The following SLC22A23 variants were observed in gnomAD, a reference collection of about 807,000 sequenced individuals.
The protein encoded by SLC22A23 is solute carrier family 22 member 23.
In SLC22A23, 26 loss-of-function variants were observed where a neutral mutation model predicts 61.0. The ratio of observed to expected loss-of-function variants is 0.43; its 90% confidence interval spans 0.31 to 0.59. The LOEUF is 0.59. Ranked by LOEUF, SLC22A23 falls within the 20% of genes least tolerant of loss-of-function variation. The pLI, the probability that SLC22A23 is intolerant of heterozygous loss-of-function variation, is 0.11. For synonymous variants in SLC22A23, 430 were observed against 413.9 expected, an observed-to-expected ratio of 1.04 and a Z score of -0.47; for missense variants, 796 against 934.7, an observed-to-expected ratio of 0.85 and a Z score of 1.94.
intron 5 of SLC22A23, 41 bp downstream of exon 5, chr6:3,298,050 G>A (rs369577385): frequency 2.4e-4 from 351 of 1,462,750 alleles, no homozygotes; most frequent in Admixed American, 5.0e-4. Flanking sequence ...GACCTGCCCC[G>A]TGGAGCCTCT....
At chr6:3,437,321 C>G (rs1180793122) in intron 1 of SLC22A23, among the ~76,000 whole-genome samples, 3 of 152,136 alleles carry the variant, frequency 2.0e-5, no homozygotes, top group African/African-American at 7.2e-5. Flanking sequence ...ACAATATCCA[C>G]TTTTGACAAG....
chr6:3,424,268 C>T (rs1770333625), intron 1 of SLC22A23, among the ~76,000 whole-genome samples: 1 of 152,182 alleles, frequency 6.6e-6, no homozygotes, highest in Admixed American at 6.5e-5. Flanking sequence ...CTTCTGTGCC[C>T]CACTCCCACA....
chr6:3,368,620 G>A (rs998120586), intron 3 of SLC22A23, among the ~76,000 whole-genome samples: 1 of 152,144 alleles, frequency 6.6e-6, no homozygotes, highest in African/African-American at 2.4e-5. Flanking sequence ...AATTTAATTT[G>A]TAAGATTTCA....
At chr6:3,313,453 T>A (rs1254583492) in intron 4 of SLC22A23, 1 of 152,224 alleles carries the variant, frequency 6.6e-6, no homozygotes, top group East Asian at 1.9e-4. Flanking sequence ...GGAGACTGCA[T>A]GGTTTTCATG....
At chr6:3,399,931 T>G (rs1312323073) in intron 3 of SLC22A23, among the ~76,000 whole-genome samples, 1 of 152,162 alleles carries the variant, frequency 6.6e-6, no homozygotes, top group Non-Finnish European at 1.5e-5. Context: ...CAGGCTGGAG[T>G]GCAATGGCAC....
In SLC22A23 at chr6:3,414,721, C is replaced by CA. The variant is rs60880355; in HGVS notation, c.758+1030dup. Among the ~76,000 whole-genome samples the CA allele has an allele frequency of 0.64, 57,607 of 89,334 alleles. 18,330 individuals are homozygous for CA. Among genetic ancestry groups the CA allele is most frequent in the South Asian group, 0.75 (1,548 of 2,056 alleles). 58.6% of individuals were successfully genotyped at this position (89,334 alleles called of 152,430 possible). A position where few individuals can be genotyped will look rare whatever the true frequency, so the allele number is the denominator to read the frequency against. Reference sequence around the variant, plus strand: ...TCAAGGCCAAGATGTCTCGATTCACCAAAAAAAAAAAAAAAAAAAAAAATC... The same window carrying CA: ...TCAAGGCCAAGATGTCTCGATTCACCAAAAAAAAAAAAAAAAAAAAAAAATC... On this transcript the variant is annotated intron_variant, in intron 2 of 9. Transcript: ENST00000406686. This position sits in a 1 kb window ranked among gnomAD's most constrained non-coding sequence, Gnocchi z 5.1.
chr6:3,405,324 G>A (rs11242856), intron 3 of SLC22A23, among the ~76,000 whole-genome samples: 31,460 of 152,086 alleles, frequency 0.21, 3,324 homozygotes, highest in Middle Eastern at 0.25. Context: ...TTTCCTTGGT[G>A]GAAATAGCCT....
chr6:3,331,636 AAACT>A (rs1385242072), intron 3 of SLC22A23, among the ~76,000 whole-genome samples: 1 of 152,188 alleles, frequency 6.6e-6, no homozygotes, highest in African/African-American at 2.4e-5. Flanking sequence ...TTTTTCTTTA[AAACT>A]AACATTATAA....
At chr6:3,280,919 G>A (rs9501977) in intron 9 of SLC22A23, among the ~76,000 whole-genome samples, 3,985 of 152,172 alleles carry the variant, frequency 0.026, 132 homozygotes, top group African/African-American at 0.071. Flanking sequence ...TCAGGGAGTC[G>A]TCAGTCAGGG....
At chr6:3,439,428 C>T (rs1771445212) in intron 1 of SLC22A23, 1 of 380,208 alleles carries the variant, frequency 2.6e-6, no homozygotes. Context: ...TGGGCCCGTT[C>T]CACGTGAAGA....
At chr6:3,295,872 CTT>C (rs539074071) in intron 5 of SLC22A23, among the ~76,000 whole-genome samples, 35 of 152,308 alleles carry the variant, frequency 2.3e-4, no homozygotes, top group Non-Finnish European at 3.8e-4. Flanking sequence ...CCTCTATCCT[CTT>C]TGTTAAGTCA....
chr6:3,311,995 C>G (rs926087256), intron 4 of SLC22A23: 1 of 152,224 alleles, frequency 6.6e-6, no homozygotes, highest in Non-Finnish European at 1.5e-5. Flanking sequence ...TCAGGGCTAA[C>G]GCTCACTGTT....
intron 5 of SLC22A23, chr6:3,291,661 T>C (rs1381736201): frequency 1.3e-5 from 2 of 152,242 alleles, no homozygotes; most frequent in Non-Finnish European, 2.9e-5. Flanking sequence ...AGTTTCTCCA[T>C]GGTTAAAATA....
At chr6:3,287,160 G>A (rs1220362126) in intron 6 of SLC22A23, 69 bp from the exon 7 acceptor site, 33 of 1,445,642 alleles carry the variant, frequency 2.3e-5, no homozygotes, top group Non-Finnish European at 3.2e-5. Flanking sequence ...CCTCCTGGGA[G>A]TTCGTGCTGT....
chr6:3,320,207 C>T (rs1476350836), intron 4 of SLC22A23, among the ~76,000 whole-genome samples: 4 of 152,164 alleles, frequency 2.6e-5, no homozygotes, highest in Admixed American at 2.0e-4. Flanking sequence ...CTGGGAACTT[C>T]CCCTTCTTTC....
chr6:3,284,928 T>C (rs1020284601), intron 8 of SLC22A23, 151 bp downstream of exon 8: 2 of 1,543,042 alleles, frequency 1.3e-6, no homozygotes, highest in Non-Finnish European at 1.7e-6. Context: ...ATCCGTATAG[T>C]GTCCAACCTA....
chr6:3,292,921 CAGAG>C (rs773178467), intron 5 of SLC22A23, among the ~76,000 whole-genome samples: 5 of 152,214 alleles, frequency 3.3e-5, no homozygotes, highest in Admixed American at 1.3e-4. Flanking sequence ...TCTTCACCAA[CAGAG>C]GGAGGGAAAG....
intron 3 of SLC22A23, among the ~76,000 whole-genome samples, chr6:3,407,391 A>G (rs1768912805): frequency 6.6e-6 from 1 of 152,206 alleles, no homozygotes; most frequent in South Asian, 2.1e-4. Flanking sequence ...TCTTGTCACC[A>G]GCCTCTGCCT....
chr6:3,350,470 CT>C (rs1226990480), intron 3 of SLC22A23, among the ~76,000 whole-genome samples: 1 of 152,222 alleles, frequency 6.6e-6, no homozygotes, highest in African/African-American at 2.4e-5. Context: ...ACAAATGCGG[CT>C]TTTGTGGAAT....
Sources: gnomAD v4.1 joint callset for allele counts (sites outside exome capture counted in the v4.1 genomes callset) on GRCh38, gnomAD v4.1.1 for gene constraint, Gnocchi (gnomAD v3.1) non-coding constraint, MANE v1.5 for transcripts, NCBI Gene and HGNC (gene_info 2026-07-23, HGNC 2026-07-21) for gene names.